ADGRL3: variants seen among roughly 807,000 people sequenced by gnomAD.
ADGRL3 encodes the protein calcium-independent alpha-latrotoxin receptor 3.
A neutral mutation model predicts 153.5 loss-of-function variants in ADGRL3; 62 were observed. The observed-to-expected ratio is 0.40, with a 90% CI of 0.33 to 0.50. The LOEUF (loss-of-function observed/expected upper bound fraction) is 0.50, where lower values mean the gene tolerates loss of function less well. Among genes scored for constraint, ADGRL3 ranks in the 20% least tolerant of loss-of-function variants. The pLI, the probability that ADGRL3 is intolerant of heterozygous loss-of-function variation, is 0.47. For synonymous variants in ADGRL3, 710 were observed against 672.5 expected (o/e 1.06, Z -0.86); for missense variants, 1,641 against 1,859.4 (o/e 0.88, Z 2.16).
chr4:62,049,934 C>T (rs1019231306), intron 25 of ADGRL3, among the ~76,000 whole-genome samples: 1 of 151,926 alleles, frequency 6.6e-6, no homozygotes, highest in South Asian at 2.1e-4. Flanking sequence ...TACAGCAGGG[C>T]CTGGAACGTA....
At chr4:61,796,931 C>A (rs968047789) in intron 8 of ADGRL3, among the ~76,000 whole-genome samples, 7 of 152,094 alleles carry the variant, frequency 4.6e-5, no homozygotes, top group African/African-American at 1.7e-4. Context: ...GGTAATTGAA[C>A]CATGTGATTT....
chr4:61,255,842 C>G (rs967993152), intron 1 of ADGRL3, among the ~76,000 whole-genome samples: 3 of 152,146 alleles, frequency 2.0e-5, no homozygotes, highest in Non-Finnish European at 4.4e-5. Context: ...CCATACAAAT[C>G]AATCCCTAGT....
At chr4:61,748,469 G>C (rs1263947052) in intron 8 of ADGRL3, among the ~76,000 whole-genome samples, 1 of 151,394 alleles carries the variant, frequency 6.6e-6, no homozygotes, top group African/African-American at 2.4e-5. Context: ...ATACTACAAG[G>C]CTACAGTAAC....
intron 5 of ADGRL3, among the ~76,000 whole-genome samples, chr4:61,609,193 A>G (rs1055365295): frequency 5.3e-5 from 8 of 152,256 alleles, no homozygotes; most frequent in African/African-American, 1.9e-4. Flanking sequence ...TACATGAAAA[A>G]GATATCTGAG....
At chr4:61,376,137 A>T (rs2096599832) in intron 1 of ADGRL3, among the ~76,000 whole-genome samples, 1 of 152,176 alleles carries the variant, frequency 6.6e-6, no homozygotes, top group Non-Finnish European at 1.5e-5. Context: ...GTCATAGAAT[A>T]TGTAAATGTG....
intron 2 of ADGRL3, among the ~76,000 whole-genome samples, chr4:61,458,632 A>T (rs1471707170): frequency 1.3e-5 from 2 of 151,634 alleles, no homozygotes; most frequent in East Asian, 3.9e-4. Flanking sequence ...CTCTTAAATA[A>T]CAAAAATATA....
chr4:61,315,721 T>C (rs1311856413), intron 1 of ADGRL3, among the ~76,000 whole-genome samples: 1 of 152,134 alleles, frequency 6.6e-6, no homozygotes, highest in Non-Finnish European at 1.5e-5. Flanking sequence ...TGTTTAGGGC[T>C]CTTGGCAGCT....
chr4:62,043,588 G>A (rs956462804), intron 24 of ADGRL3, among the ~76,000 whole-genome samples: 3 of 152,010 alleles, frequency 2.0e-5, no homozygotes, highest in Non-Finnish European at 4.4e-5. Flanking sequence ...ACCCATTGTA[G>A]GCATGGTTTC....
intron 23 of ADGRL3, among the ~76,000 whole-genome samples, chr4:62,036,647 C>T (rs1157075388): frequency 6.6e-6 from 1 of 152,002 alleles, no homozygotes; most frequent in Non-Finnish European, 1.5e-5. Flanking sequence ...TTTTAAAGCA[C>T]ATGTTCAAAA....
chr4:61,795,570 G>T (rs895245665), intron 8 of ADGRL3, among the ~76,000 whole-genome samples: 4 of 152,050 alleles, frequency 2.6e-5, no homozygotes, highest in Middle Eastern at 3.2e-3. Flanking sequence ...TATTGTACAA[G>T]TTGTGAAATA....
rs1257193803 is a variant in ADGRL3, at chr4:61,478,967, T to C, written c.-173-18154T>C. On this transcript the variant is annotated intron_variant, in intron 2 of 26. Transcript: ENST00000683033. ...GAGTTTCTTTCTGTAATGTGGGTCA[T>C]ATAGAAAATACTTCACAGATCTTTG... is the stretch of plus-strand genomic sequence containing the variant. Among the ~76,000 whole-genome samples the C allele has an allele frequency of 2.6e-5, 4 of 152,080 alleles. No homozygotes were observed. The East Asian group carries it at 5.8e-4, about 22-fold the overall frequency.
chr4:61,769,305 A>C (rs1209491099), intron 8 of ADGRL3, among the ~76,000 whole-genome samples: 2 of 151,932 alleles, frequency 1.3e-5, no homozygotes, highest in African/African-American at 4.8e-5. Context: ...GAGAAGGGAG[A>C]GATTGAAGTG....
At chr4:61,518,832 C>A (rs1353002923) in intron 4 of ADGRL3, among the ~76,000 whole-genome samples, 1 of 152,186 alleles carries the variant, frequency 6.6e-6, no homozygotes, top group Non-Finnish European at 1.5e-5. Context: ...AGTAAACATT[C>A]TTTAAGAACT....
chr4:61,801,765 C>T (rs191124063), intron 8 of ADGRL3, among the ~76,000 whole-genome samples: 113 of 152,214 alleles, frequency 7.4e-4, no homozygotes, highest in African/African-American at 2.6e-3. Flanking sequence ...AGGGTTTTCA[C>T]TTATGCCTAA....
At chr4:61,399,580 AAG>A (rs2096906717) in intron 2 of ADGRL3, among the ~76,000 whole-genome samples, 1 of 151,640 alleles carries the variant, frequency 6.6e-6, no homozygotes, top group Non-Finnish European at 1.5e-5. Context: ...AACAAATAGT[AAG>A]AGAAATGTCA....
chr4:61,757,124 G>T (rs369541159), intron 8 of ADGRL3, among the ~76,000 whole-genome samples: 4 of 152,166 alleles, frequency 2.6e-5, no homozygotes, highest in East Asian at 1.9e-4. Flanking sequence ...TCAGGATGAT[G>T]CTGGCCTCAT....
rs555645697 is a variant in ADGRL3 at position 61,306,391 on chromosome 4, C to T, written c.-239-76733C>T. Among the ~76,000 whole-genome samples the T allele has an allele frequency of 5.3e-5, 8 of 152,266 alleles. 1 individual carries two copies. In the South Asian group the frequency reaches 1.7e-3, roughly 32 times the overall value. On this transcript the variant is annotated intron_variant, in intron 1 of 26. Transcript: ENST00000683033. Reference sequence around the variant, plus strand: ...GGGATTACAGGCGTGAGTCACCCCACACCGCCAAGAACTTCTAACTGTGGG... The same window carrying T: ...GGGATTACAGGCGTGAGTCACCCCATACCGCCAAGAACTTCTAACTGTGGG...
intron 21 of ADGRL3, among the ~76,000 whole-genome samples, chr4:62,006,001 C>CATAT (rs1560494965): frequency 1.4e-4 from 9 of 64,516 alleles, no homozygotes; most frequent in East Asian, 1.0e-3. Flanking sequence ...CACACACACA[C>CATAT]ACATATATAT....
At chr4:61,752,146 T>C (rs1297219986) in intron 8 of ADGRL3, among the ~76,000 whole-genome samples, 3 of 152,170 alleles carry the variant, frequency 2.0e-5, no homozygotes, top group African/African-American at 2.4e-5. Flanking sequence ...AGTATTTTGT[T>C]CCTGCTCTTA....
Sources: gnomAD v4.1 joint callset for allele counts (sites outside exome capture counted in the v4.1 genomes callset) on GRCh38, gnomAD v4.1.1 for gene constraint, MANE v1.5 for transcripts, NCBI Gene and HGNC (gene_info 2026-07-23, HGNC 2026-07-21) for gene names.